Variants in DMD observed in about 807,000 individuals in gnomAD.
DMD encodes dystrophin, also known as mutant dystrophin.
Under a neutral mutation model 330.1 loss-of-function variants are expected in DMD, and 63 were observed. The observed-to-expected ratio is 0.19, with a 90% CI of 0.16 to 0.24. DMD has a LOEUF of 0.24. Ranked by LOEUF, DMD falls within the 10% of genes least tolerant of loss-of-function variation. DMD has a pLI of 1.00. For missense variants in DMD, 3,344 were observed against 2,684.1 expected (o/e 1.25, Z -5.43); for synonymous variants, 1,223 against 959.8 (o/e 1.27, Z -5.07).
At position 32,405,021 on chromosome X, in the gene DMD, C is replaced by A. The variant is rs771977769; in HGVS notation, c.4233+6731G>T. Among the ~76,000 whole-genome samples the A allele has an allele frequency of 2.7e-5, 3 of 111,697 alleles. No homozygotes were observed. In the Admixed American group the frequency reaches 2.9e-4, roughly 11 times the overall value. On this transcript the variant is annotated intron_variant, in intron 30 of 78. Transcript: ENST00000357033. ...GTTTGATTGCCACTCTGACTCCCTC[C>A]CATTGAAACGTTGACACAGTCATAG...
intron 55 of DMD, among the ~76,000 whole-genome samples, chrX:31,593,763 T>C (rs972763475): frequency 2.6e-4 from 29 of 110,913 alleles, no homozygotes; most frequent in African/African-American, 9.5e-4. Flanking sequence ...CTTATGTAAT[T>C]AGAGTTAAAA....
rs148895003 is a variant in DMD, at chrX:32,257,256, G to T, written c.6290+30273C>A. Among the ~76,000 whole-genome samples, 242 of 112,091 alleles carry T rather than the reference G, an allele frequency of 2.2e-3. 1 individual carries two copies. The highest frequency in any genetic ancestry group is 7.5e-3 in the African/African-American group (230 of 30,859). Reference sequence around the variant, plus strand: ...GCCATACTGTCCAAATTAATTTACAGATTCAATGCTATCCCCAACAGGCTA... The same window carrying T: ...GCCATACTGTCCAAATTAATTTACATATTCAATGCTATCCCCAACAGGCTA... On this transcript the variant is annotated intron_variant, in intron 43 of 78. Transcript: ENST00000357033.
chrX:31,220,678 G>A (rs766594186), intron 64 of DMD, among the ~76,000 whole-genome samples: 2 of 110,404 alleles, frequency 1.8e-5, no homozygotes, highest in East Asian at 2.8e-4. Context: ...ATCCCTAAAC[G>A]TTGTTTGTAT....
intron 55 of DMD, among the ~76,000 whole-genome samples, chrX:31,609,054 C>G (rs1405476258): frequency 8.9e-6 from 1 of 112,052 alleles, no homozygotes; most frequent in Non-Finnish European, 1.9e-5. Context: ...ACAATATTTA[C>G]CCGTGCTAGA....
intron 42 of DMD, among the ~76,000 whole-genome samples, chrX:32,309,680 TAAAACA>T (rs1373276076): frequency 5.4e-5 from 6 of 111,147 alleles, no homozygotes; most frequent in Middle Eastern, 4.7e-3. Flanking sequence ...ATAAAAAATA[TAAAACA>T]AAAACAATAT....
chrX:32,395,395 A>G (rs2098036666), intron 30 of DMD, among the ~76,000 whole-genome samples: 1 of 93,513 alleles, frequency 1.1e-5, no homozygotes, highest in Admixed American at 1.3e-4. Context: ...TAATAGAAAA[A>G]CTAACATCAC....
intron 42 of DMD, among the ~76,000 whole-genome samples, chrX:32,294,375 T>C (rs755103473): frequency 1.8e-4 from 20 of 112,035 alleles, no homozygotes; most frequent in Non-Finnish European, 1.7e-4. Flanking sequence ...ATCTTCCCCA[T>C]CAGCATATAA....
At chrX:31,838,806 T>C (rs368701992) in intron 48 of DMD, among the ~76,000 whole-genome samples, 155 of 111,468 alleles carry the variant, frequency 1.4e-3, no homozygotes, top group Non-Finnish European at 2.5e-3. Flanking sequence ...ATGATGTGAA[T>C]AGCTTGCCCA....
chrX:33,021,469 C>G (rs2093913281), intron 1 of DMD, among the ~76,000 whole-genome samples: 1 of 111,406 alleles, frequency 9.0e-6, no homozygotes, highest in Non-Finnish European at 1.9e-5. Flanking sequence ...ATTTTATCTA[C>G]TTGGATTAAA....
intron 50 of DMD, among the ~76,000 whole-genome samples, chrX:31,805,912 G>T (rs966056170): frequency 3.6e-5 from 4 of 112,314 alleles, no homozygotes; most frequent in African/African-American, 1.3e-4. Context: ...AGGGGTCAGT[G>T]AACTACGGCT....
chrX:31,432,235 C>A (rs2064144116), intron 60 of DMD, among the ~76,000 whole-genome samples: 1 of 111,618 alleles, frequency 9.0e-6, no homozygotes, highest in Non-Finnish European at 1.9e-5. Context: ...AAATTTGGTT[C>A]AATTCTATTC....
intron 7 of DMD, among the ~76,000 whole-genome samples, chrX:32,726,070 A>G (rs2066847606): frequency 9.0e-6 from 1 of 111,231 alleles, no homozygotes; most frequent in South Asian, 3.7e-4. Context: ...ACATTCTCAT[A>G]TACTTTTATC....
At chrX:32,140,312 TG>T (rs1459671234) in intron 44 of DMD, among the ~76,000 whole-genome samples, 2 of 112,016 alleles carry the variant, frequency 1.8e-5, no homozygotes, top group African/African-American at 3.2e-5. Flanking sequence ...GATTTTTAAA[TG>T]GTCTAGCCAC....
intron 1 of DMD, among the ~76,000 whole-genome samples, chrX:33,319,419 C>T (rs1210159247): frequency 9.0e-6 from 1 of 110,703 alleles, no homozygotes. Context: ...GGGATGAAAT[C>T]CCATAAACTG....
chrX:31,580,573 G>A (rs1172845002), intron 55 of DMD, among the ~76,000 whole-genome samples: 3 of 111,761 alleles, frequency 2.7e-5, no homozygotes, highest in Non-Finnish European at 5.6e-5. Context: ...GTTTTGAGGC[G>A]GTTTGGTAAT....
chrX:32,047,683 T>C (rs1267311950), intron 44 of DMD, among the ~76,000 whole-genome samples: 1 of 111,556 alleles, frequency 9.0e-6, no homozygotes, highest in Admixed American at 9.5e-5. Context: ...AGGACAAATG[T>C]GAAGTAGTTG....
At chrX:31,172,655 C>T (rs763312743) in intron 72 of DMD, among the ~76,000 whole-genome samples, 11 of 111,539 alleles carry the variant, frequency 9.9e-5, no homozygotes, top group Non-Finnish European at 1.7e-4. Context: ...ACTGTTTTCC[C>T]CCTACAGATC....
At chrX:31,365,094 C>CA (rs35244488) in intron 60 of DMD, among the ~76,000 whole-genome samples, 4,197 of 43,996 alleles carry the variant, frequency 0.095, 438 homozygotes, top group African/African-American at 0.27. Flanking sequence ...GACCCCATCT[C>CA]AAAAAAAAAA....
intron 63 of DMD, among the ~76,000 whole-genome samples, chrX:31,241,696 C>G (rs1433972019): frequency 9.0e-6 from 1 of 111,131 alleles, no homozygotes; most frequent in African/African-American, 3.3e-5. Context: ...GTCACGTTCC[C>G]TTTTCCTTCC....
Sources: allele counts gnomAD v4.1 joint callset (sites outside exome capture counted in the v4.1 genomes callset), GRCh38; gene constraint gnomAD v4.1.1; transcripts MANE v1.5; gene names NCBI Gene and HGNC (gene_info 2026-07-23, HGNC 2026-07-21).